CCSER1: variants seen among roughly 807,000 people sequenced by gnomAD.
CCSER1 encodes the protein serine-rich coiled-coil domain-containing protein 1.
Under a neutral mutation model 82.0 loss-of-function variants are expected in CCSER1, and 41 were observed. The ratio of observed to expected loss-of-function variants is 0.50; its 90% CI spans 0.39 to 0.65. CCSER1 has a LOEUF of 0.65. Ranked by LOEUF, CCSER1 falls within the 30% of genes least tolerant of loss-of-function variation. The pLI, the probability that CCSER1 is intolerant of heterozygous loss-of-function variation, is 0.00. For synonymous variants in CCSER1, 414 were observed against 383.9 expected (o/e 1.08, Z -0.92); for missense variants, 1,119 against 1,064.2 (o/e 1.05, Z -0.72).
intron 10 of CCSER1, among the ~76,000 whole-genome samples, chr4:91,192,609 A>T (rs1735094945): frequency 6.6e-6 from 1 of 151,990 alleles, no homozygotes; most frequent in Admixed American, 6.6e-5. Flanking sequence ...AATCTCCCAT[A>T]TCATTTCCTC....
intron 10 of CCSER1, among the ~76,000 whole-genome samples, chr4:91,172,838 A>AT (rs74311231): frequency 4.1e-4 from 63 of 151,902 alleles, no homozygotes; most frequent in African/African-American, 1.4e-3. Context: ...AATGTAAAAA[A>AT]ATACAAATAT....
At chr4:90,475,789 C>G (rs1056966238) in intron 5 of CCSER1, among the ~76,000 whole-genome samples, 1 of 152,114 alleles carries the variant, frequency 6.6e-6, no homozygotes, top group Admixed American at 6.6e-5. Flanking sequence ...AGAATACTGG[C>G]CCAGAAGGAG....
intron 4 of CCSER1, among the ~76,000 whole-genome samples, chr4:90,462,810 A>G (rs1231832101): frequency 6.6e-6 from 1 of 152,230 alleles, no homozygotes; most frequent in African/African-American, 2.4e-5. Context: ...TCCTGATATT[A>G]TACTAAGCAC....
intron 10 of CCSER1, among the ~76,000 whole-genome samples, chr4:91,295,197 C>T (rs1744060851): frequency 6.6e-6 from 1 of 151,782 alleles, no homozygotes; most frequent in African/African-American, 2.4e-5. Flanking sequence ...CCAATACTAC[C>T]TTTTTGGTTA....
rs533411940 is a variant in CCSER1, at chr4:90,646,808, A to G, written c.1932+18576A>G. Reference sequence around the variant, plus strand: ...ATTTGCATTAGCCCTATGATATTCTATATCTTCTTACTTTCCTAGGGTAGT... The same window carrying G: ...ATTTGCATTAGCCCTATGATATTCTGTATCTTCTTACTTTCCTAGGGTAGT... On this transcript the variant is annotated intron_variant, in intron 6 of 10. Coordinates refer to ENST00000509176, the MANE Select transcript of CCSER1 (RefSeq NM_001145065.2). Among the ~76,000 whole-genome samples, 27 of 152,186 alleles carry G rather than the reference A, an allele frequency of 1.8e-4. No homozygotes were observed. The East Asian group carries it at 3.3e-3, about 19-fold the overall frequency.
At position 91,483,961 on chromosome 4, in the gene CCSER1, C is replaced by G. The variant is rs183403349; in HGVS notation, c.2218-114611C>G. Among the ~76,000 whole-genome samples the G allele has an allele frequency of 9.1e-3, 1,380 of 151,430 alleles. 16 individuals are homozygous for G. The highest frequency in any genetic ancestry group is 0.012 in the Non-Finnish European group (843 of 67,904). ...AAGATAGTCTTGCCCAAGTAGGCAG[C>G]CATTTTCTTTGGAATGTTCCTTATA... On this transcript the variant is annotated intron_variant, in intron 10 of 10. Coordinates refer to ENST00000509176, the MANE Select transcript of CCSER1 (RefSeq NM_001145065.2).
intron 10 of CCSER1, among the ~76,000 whole-genome samples, chr4:91,545,663 T>C (rs72884660): frequency 0.04 from 6,119 of 151,678 alleles, 253 homozygotes; most frequent in African/African-American, 0.11. Flanking sequence ...TCTTTACATA[T>C]TAGATCCAGA....
chr4:91,540,051 T>A (rs755033887), intron 10 of CCSER1, among the ~76,000 whole-genome samples: 1 of 152,118 alleles, frequency 6.6e-6, no homozygotes, highest in Non-Finnish European at 1.5e-5. Flanking sequence ...TTTCTAGGTG[T>A]TTTGTTTCAC....
chr4:90,156,364 A>G (rs1015895049), intron 1 of CCSER1, among the ~76,000 whole-genome samples: 1 of 152,122 alleles, frequency 6.6e-6, no homozygotes, highest in Admixed American at 6.5e-5. Context: ...TTTGGGGTGG[A>G]GAGGTCTGTA....
rs1419797780 is a variant in CCSER1, at chr4:91,411,519, TATATATAA to T, written c.2218-187051_2218-187044del. Among the ~76,000 whole-genome samples the T allele has an allele frequency of 3.3e-3, 390 of 118,486 alleles. 4 individuals are homozygous for T. The highest frequency in any genetic ancestry group is 0.012 in the African/African-American group (370 of 31,332). 77.7% of individuals were successfully genotyped at this position (118,486 alleles called of 152,430 possible). A position where few individuals can be genotyped will look rare whatever the true frequency, so the allele number is the denominator to read the frequency against. On this transcript the variant is annotated intron_variant, in intron 10 of 10. Transcript: ENST00000509176. ...ATATATATATATATATATATATATA[TATATATAA>T]AATCTTGACTAGTTAATATATTTAA...
chr4:91,583,793 G>A (rs59576896), intron 10 of CCSER1, among the ~76,000 whole-genome samples: 16,514 of 151,346 alleles, frequency 0.11, 923 homozygotes, highest in Middle Eastern at 0.17. Context: ...TAGAAGAGAT[G>A]GAAAAAGTGT....
At chr4:90,771,162 G>A (rs937754016) in intron 7 of CCSER1, among the ~76,000 whole-genome samples, 4 of 151,950 alleles carry the variant, frequency 2.6e-5, no homozygotes, top group Non-Finnish European at 4.4e-5. Flanking sequence ...TACACTCTGC[G>A]AATATTTACA....
chr4:91,156,314 T>C (rs2148965624), intron 10 of CCSER1, among the ~76,000 whole-genome samples: 1 of 151,854 alleles, frequency 6.6e-6, no homozygotes, highest in Non-Finnish European at 1.5e-5. Context: ...AGATGCTTAT[T>C]TCTACTCCAC....
chr4:90,885,538 A>T (rs1441924232), intron 8 of CCSER1, among the ~76,000 whole-genome samples: 1 of 152,130 alleles, frequency 6.6e-6, no homozygotes, highest in Non-Finnish European at 1.5e-5. Context: ...TGAGCTCAAG[A>T]GGGATGTTTC....
intron 10 of CCSER1, among the ~76,000 whole-genome samples, chr4:91,121,279 TAA>T (rs1561565015): frequency 5.3e-5 from 8 of 151,848 alleles, no homozygotes; most frequent in African/African-American, 1.9e-4. Flanking sequence ...GGCAAAATAA[TAA>T]TGAAAAATGA....
intron 3 of CCSER1, among the ~76,000 whole-genome samples, chr4:90,355,296 GAAAGA>G (rs1379784391): frequency 6.6e-6 from 1 of 151,676 alleles, no homozygotes; most frequent in Non-Finnish European, 1.5e-5. Context: ...GTAAAAGAAA[GAAAGA>G]AAAGAAGAGA....
chr4:91,474,787 GTATA>G (rs764572024), intron 10 of CCSER1, among the ~76,000 whole-genome samples: 12,865 of 134,918 alleles, frequency 0.095, 687 homozygotes, highest in Non-Finnish European at 0.11. Flanking sequence ...ATATATTTGT[GTATA>G]TATATATATA....
At chr4:91,541,802 C>G (rs1237754190) in intron 10 of CCSER1, among the ~76,000 whole-genome samples, 1 of 152,152 alleles carries the variant, frequency 6.6e-6, no homozygotes, top group Non-Finnish European at 1.5e-5. Flanking sequence ...GGAATCGCCA[C>G]ACTGTCTTCC....
intron 10 of CCSER1, among the ~76,000 whole-genome samples, chr4:91,314,469 A>G (rs1399988195): frequency 6.6e-6 from 1 of 152,026 alleles, no homozygotes; most frequent in East Asian, 1.9e-4. Flanking sequence ...TAGAAAACCA[A>G]TTAAGTTTAA....
Sources: allele counts gnomAD v4.1 joint callset (sites outside exome capture counted in the v4.1 genomes callset), GRCh38; gene constraint gnomAD v4.1.1; transcripts MANE v1.5; gene names NCBI Gene and HGNC (gene_info 2026-07-23, HGNC 2026-07-21).